Variants in FRMD4B observed in about 807,000 individuals in gnomAD.
FRMD4B encodes FERM domain-containing protein 4B.
A neutral mutation model predicts 141.5 loss-of-function variants in FRMD4B; 74 were observed. The ratio of observed to expected loss-of-function variants is 0.52; its 90% CI spans 0.43 to 0.63. The LOEUF (loss-of-function observed/expected upper bound fraction) is 0.63, where lower values mean the gene tolerates loss of function less well. FRMD4B is among the 30% of genes least tolerant of loss of function. FRMD4B has a pLI of 0.00. For missense variants in FRMD4B, 1,366 were observed against 1,253.4 expected, an observed-to-expected ratio of 1.09 and a Z score of -1.36; for synonymous variants, 506 against 467.9, an observed-to-expected ratio of 1.08 and a Z score of -1.05.
In FRMD4B at chr3:69,379,526, G is replaced by A. The variant is rs144105007; in HGVS notation, c.162+6302C>T. ...ACTCCTGGGCTCAAGTGACCTGCCC[G>A]CCTTGGCCTCCCAAATGCTGGGATT... On this transcript the variant is annotated intron_variant, in intron 1 of 22. Transcript: ENST00000398540. Among the ~76,000 whole-genome samples the A allele has an allele frequency of 3.2e-4, 48 of 152,268 alleles. 1 individual carries two copies. Among genetic ancestry groups the A allele is most frequent in the African/African-American group, 9.9e-4 (41 of 41,564 alleles).
chr3:69,240,247 C>T (rs747849314), intron 7 of FRMD4B, among the ~76,000 whole-genome samples: 49 of 151,686 alleles, frequency 3.2e-4, no homozygotes, highest in Admixed American at 6.6e-4. Flanking sequence ...TTTGGGAGGC[C>T]GAGGAGGGTG....
At chr3:69,344,874 A>G (rs1167355024) in intron 1 of FRMD4B, among the ~76,000 whole-genome samples, 1 of 152,224 alleles carries the variant, frequency 6.6e-6, no homozygotes, top group Non-Finnish European at 1.5e-5. Context: ...AGATGGCTGA[A>G]CAAGAACAGC....
chr3:69,449,723 C>T (rs996361703), intron 1 of FRMD4B, among the ~76,000 whole-genome samples: 4 of 151,380 alleles, frequency 2.6e-5, no homozygotes, highest in Non-Finnish European at 5.9e-5. Flanking sequence ...TTTTTTTTTT[C>T]CCCTAAGGCT....
intron 1 of FRMD4B, among the ~76,000 whole-genome samples, chr3:69,349,682 C>T (rs1214490014): frequency 3.3e-5 from 5 of 152,062 alleles, no homozygotes; most frequent in East Asian, 1.9e-4. Flanking sequence ...CATCTACAAC[C>T]ATCTGATCTT....
intron 1 of FRMD4B, chr3:69,536,533 G>C (rs1361652177): frequency 2.9e-6 from 2 of 700,056 alleles, no homozygotes; most frequent in South Asian, 1.5e-5. Context: ...CACCGTGCGG[G>C]GGGTGGGGAA....
chr3:69,200,911 G>C (rs979007671), intron 11 of FRMD4B: 20 of 453,782 alleles, frequency 4.4e-5, no homozygotes, highest in Non-Finnish European at 2.7e-5. Context: ...GGCTGGACTT[G>C]AAACATGATC....
chr3:69,371,315 G>C (rs1703817324), intron 1 of FRMD4B, among the ~76,000 whole-genome samples: 1 of 152,178 alleles, frequency 6.6e-6, no homozygotes, highest in South Asian at 2.1e-4. Context: ...AGGGTGCTGG[G>C]AGTTAAGACC....
At chr3:69,211,828 T>C (rs1232394579) in intron 11 of FRMD4B, among the ~76,000 whole-genome samples, 1 of 152,170 alleles carries the variant, frequency 6.6e-6, no homozygotes, top group East Asian at 1.9e-4. Context: ...ATGATCCTCC[T>C]TTAATAGAAG....
chr3:69,396,861 T>C (rs1258361409), intron 2 of FRMD4B, among the ~76,000 whole-genome samples: 1 of 152,184 alleles, frequency 6.6e-6, no homozygotes, highest in South Asian at 2.1e-4. Flanking sequence ...ACAGGCATTT[T>C]AAAAAACCTG....
rs569972490 is a variant in FRMD4B at position 69,422,115 on chromosome 3, C to T, written c.-1+10519G>A. On this transcript the variant is annotated intron_variant, in intron 2 of 5. Coordinates refer to the FRMD4B transcript ENST00000459638. Reference sequence around the variant, plus strand: ...TTATATTAAAAGGAGAGGGGCCGGGCGTGGTGGCCCATGCCTGTAATCCCA... The same window carrying T: ...TTATATTAAAAGGAGAGGGGCCGGGTGTGGTGGCCCATGCCTGTAATCCCA... 2.5e-3 allele frequency among the ~76,000 whole-genome samples: 384 copies of T among 152,062 alleles called. 1 individual carries two copies. Among genetic ancestry groups the T allele is most frequent in the African/African-American group, 8.9e-3 (369 of 41,474 alleles).
intron 1 of FRMD4B, among the ~76,000 whole-genome samples, chr3:69,454,432 G>A (rs1166122028): frequency 2.6e-5 from 4 of 152,208 alleles, no homozygotes; most frequent in Non-Finnish European, 4.4e-5. Flanking sequence ...GCTGGGAGGT[G>A]TGGAGGAAGA....
intron 1 of FRMD4B, chr3:69,334,402 G>C (rs1340085509): frequency 6.6e-6 from 1 of 151,232 alleles, no homozygotes; most frequent in Non-Finnish European, 1.5e-5. Flanking sequence ...GGGAGGCGGA[G>C]GTGGGCAGAT....
At chr3:69,455,296 T>G (rs60121321) in intron 1 of FRMD4B, among the ~76,000 whole-genome samples, 1 of 152,054 alleles carries the variant, frequency 6.6e-6, no homozygotes, top group East Asian at 1.9e-4. Flanking sequence ...GTTTACATAA[T>G]GTGGGAGGTT....
At chr3:69,480,005 C>T (rs1358449119) in intron 1 of FRMD4B, among the ~76,000 whole-genome samples, 2 of 152,202 alleles carry the variant, frequency 1.3e-5, no homozygotes, top group Non-Finnish European at 2.9e-5. Context: ...GCATCTGCTC[C>T]TGAGGCTTCT....
chr3:69,218,417 T>C (rs543233280), intron 9 of FRMD4B, 38 bp from the exon 10 acceptor site: 37 of 918,586 alleles, frequency 4.0e-5, no homozygotes, highest in East Asian at 2.5e-4. Context: ...CTTATTAAAA[T>C]AGTTAGAGGA....
intron 7 of FRMD4B, among the ~76,000 whole-genome samples, chr3:69,236,299 G>GC: frequency 6.6e-6 from 1 of 150,666 alleles, no homozygotes; most frequent in African/African-American, 2.4e-5. Context: ...CACAATCTCA[G>GC]CTCACTGCAA....
rs543524516 is a variant in FRMD4B, at chr3:69,503,804, CG to C, written c.-129+38401del. ...CAGCTAAACAGTTAGTATTTGTTAC[CG>C]GGCAGACCATCCCACTGCACTACCT... On this transcript the variant is annotated intron_variant, in intron 1 of 5. Coordinates refer to the FRMD4B transcript ENST00000459638. Among the ~76,000 whole-genome samples the C allele has an allele frequency of 4.2e-4, 64 of 152,216 alleles. 1 individual carries two copies. In the East Asian group the frequency reaches 0.012, roughly 28 times the overall value.
At chr3:69,338,768 G>A (rs1702640112) in intron 1 of FRMD4B, among the ~76,000 whole-genome samples, 3 of 151,938 alleles carry the variant, frequency 2.0e-5, no homozygotes, top group Admixed American at 2.0e-4. Context: ...AAAATAATAT[G>A]TACACCAAAC....
intron 19 of FRMD4B, among the ~76,000 whole-genome samples, chr3:69,184,277 A>G (rs1004738331): frequency 6.6e-6 from 1 of 152,166 alleles, no homozygotes; most frequent in African/African-American, 2.4e-5. Flanking sequence ...AAGCACATAA[A>G]CTTATTAGCA....
Sources: allele counts gnomAD v4.1 joint callset (sites outside exome capture counted in the v4.1 genomes callset), GRCh38; gene constraint gnomAD v4.1.1; transcripts MANE v1.5; gene names NCBI Gene and HGNC (gene_info 2026-07-23, HGNC 2026-07-21).